PPM1E: variants seen among roughly 807,000 people sequenced by gnomAD.
PPM1E encodes the protein protein phosphatase, Mg2+/Mn2+ dependent 1E, also known as protein phosphatase 1E.
Under a neutral mutation model 65.9 loss-of-function variants are expected in PPM1E, and 20 were observed. That is an observed-to-expected ratio of 0.30 (90% CI 0.21 to 0.44). The LOEUF is 0.44. Ranked by LOEUF, PPM1E falls within the 20% of genes least tolerant of loss-of-function variation. PPM1E has a pLI of 1.00. For synonymous variants in PPM1E, 352 were observed against 374.9 expected (o/e 0.94, Z 0.70); for missense variants, 713 against 953.1 (o/e 0.75, Z 3.32).
chr17:58,845,661 C>T (rs1370075072), intron 1 of PPM1E, among the ~76,000 whole-genome samples: 1 of 152,044 alleles, frequency 6.6e-6, no homozygotes, highest in East Asian at 1.9e-4. Context: ...CATATTGCAG[C>T]ATATATTAGA....
At chr17:58,781,623 C>G (rs2144209442) in intron 1 of PPM1E, among the ~76,000 whole-genome samples, 1 of 151,872 alleles carries the variant, frequency 6.6e-6, no homozygotes, top group East Asian at 1.9e-4. Context: ...TTTTTGGGGC[C>G]AGGCACGGTG....
chr17:58,906,453 C>T (rs1041993870), intron 1 of PPM1E, among the ~76,000 whole-genome samples: 1 of 152,184 alleles, frequency 6.6e-6, no homozygotes, highest in Non-Finnish European at 1.5e-5. Context: ...ATCCTCCCAC[C>T]TCAACCTCCC....
rs941446372 is a variant in PPM1E, at chr17:58,982,276, T to G, written c.*1245T>G. 1 of 152,442 alleles carries G rather than the reference T, an allele frequency of 6.6e-6. No individual in the cohort carries two copies. Among genetic ancestry groups the G allele is most frequent in the Admixed American group, 6.5e-5 (1 of 15,282 alleles). The allele number at this position is 152,442 out of a possible 1,614,324, so 9.4% of individuals were successfully genotyped here. ...TTTGAAACTGTCTGCTTTTTGCTAT[T>G]TCTGCAGTTTCAAGTTAGTTAGAAG... On this transcript the variant is annotated 3_prime_UTR_variant, in exon 7 of 7. Coordinates refer to ENST00000308249, the MANE Select transcript of PPM1E (RefSeq NM_014906.5).
intron 1 of PPM1E, among the ~76,000 whole-genome samples, chr17:58,764,731 C>G (rs1027057682): frequency 2.0e-5 from 3 of 152,028 alleles, no homozygotes; most frequent in Non-Finnish European, 4.4e-5. Flanking sequence ...GTAGCTGGGA[C>G]TACAAGCACA....
At chr17:58,897,548 G>C (rs181461126) in intron 1 of PPM1E, among the ~76,000 whole-genome samples, 12 of 152,282 alleles carry the variant, frequency 7.9e-5, no homozygotes, top group Admixed American at 3.3e-4. Flanking sequence ...CCATTCTGCA[G>C]ACCATGGATC....
chr17:58,856,343 G>T (rs555744850), intron 1 of PPM1E, among the ~76,000 whole-genome samples: 3 of 152,054 alleles, frequency 2.0e-5, no homozygotes, highest in Non-Finnish European at 4.4e-5. Context: ...GGATTCAAGC[G>T]ATCTCCTGCC....
At position 58,867,965 on chromosome 17, in the gene PPM1E, G is replaced by T. The variant is rs972310198; in HGVS notation, c.465-87684G>T. Among the ~76,000 whole-genome samples, 7 of 152,114 alleles carry T rather than the reference G, an allele frequency of 4.6e-5. No homozygotes were observed. In the East Asian group the frequency reaches 1.3e-3, roughly 29 times the overall value. On this transcript the variant is annotated intron_variant, in intron 1 of 6. Coordinates refer to ENST00000308249, the MANE Select transcript of PPM1E (RefSeq NM_014906.5). ...ACACCCACCATCTGTAATGGTTTTT[G>T]ACTCCAAGGAATAAGACTCTGTAAG... is the stretch of plus-strand genomic sequence containing the variant.
At chr17:58,792,928 A>G (rs2050170650) in intron 1 of PPM1E, among the ~76,000 whole-genome samples, 1 of 149,878 alleles carries the variant, frequency 6.7e-6, no homozygotes, top group Non-Finnish European at 1.5e-5. Flanking sequence ...TAATTTTTGT[A>G]TTTTTAGTAG....
At chr17:58,926,879 T>A (rs921250214) in intron 1 of PPM1E, among the ~76,000 whole-genome samples, 5 of 152,128 alleles carry the variant, frequency 3.3e-5, no homozygotes, top group African/African-American at 1.2e-4. Flanking sequence ...TATGTAAATG[T>A]TATATAACTC....
chr17:58,964,730 T>G (rs764826353), intron 2 of PPM1E, among the ~76,000 whole-genome samples: 33 of 152,120 alleles, frequency 2.2e-4, no homozygotes, highest in Non-Finnish European at 4.6e-4. Context: ...CCTAAAACTT[T>G]AATAAACAAA....
chr17:58,773,377 T>C (rs2049959499), intron 1 of PPM1E, among the ~76,000 whole-genome samples: 1 of 152,104 alleles, frequency 6.6e-6, no homozygotes. Flanking sequence ...TATCATTCAG[T>C]GAGATAATTT....
intron 1 of PPM1E, among the ~76,000 whole-genome samples, chr17:58,934,272 A>T (rs1400147934): frequency 6.6e-6 from 1 of 152,094 alleles, no homozygotes; most frequent in Non-Finnish European, 1.5e-5. Context: ...AAATAATTTA[A>T]CCAATAAGGG....
chr17:58,962,369 C>T (rs1405538045), intron 2 of PPM1E, among the ~76,000 whole-genome samples: 1 of 151,554 alleles, frequency 6.6e-6, no homozygotes, highest in Non-Finnish European at 1.5e-5. Context: ...GAGTAATATA[C>T]AAGCCAAAGA....
intron 1 of PPM1E, among the ~76,000 whole-genome samples, chr17:58,847,406 C>T (rs2050782666): frequency 6.6e-6 from 1 of 152,144 alleles, no homozygotes; most frequent in Non-Finnish European, 1.5e-5. Context: ...GATTTTAGGT[C>T]TAACATTTAA....
intron 6 of PPM1E, among the ~76,000 whole-genome samples, chr17:58,975,274 A>G (rs1332062309): frequency 1.3e-5 from 2 of 152,232 alleles, no homozygotes; most frequent in Non-Finnish European, 2.9e-5. Flanking sequence ...TACTTGTTAC[A>G]GAACTAACTT....
intron 6 of PPM1E, among the ~76,000 whole-genome samples, chr17:58,973,710 T>C (rs1449292294): frequency 1.3e-5 from 2 of 151,890 alleles, no homozygotes; most frequent in African/African-American, 4.8e-5. Flanking sequence ...CCCAGCACTT[T>C]GGGAGGCTGA....
At chr17:58,895,855 C>T (rs570777752) in intron 1 of PPM1E, among the ~76,000 whole-genome samples, 28 of 149,690 alleles carry the variant, frequency 1.9e-4, no homozygotes, top group Admixed American at 1.1e-3. Context: ...CCTGTAATCC[C>T]AGCACTTTGG....
At position 58,786,555 on chromosome 17, in the gene PPM1E, G is replaced by A. The variant is rs1398827238; in HGVS notation, c.464+30094G>A. On this transcript the variant is annotated intron_variant, in intron 1 of 6. Coordinates refer to ENST00000308249, the MANE Select transcript of PPM1E (RefSeq NM_014906.5). ...AAGGGATGATTCATGTCCCAGGCAG[G>A]ACGGAGTGGGATGATGCAAGATTTC... is the stretch of plus-strand genomic sequence containing the variant. Among the ~76,000 whole-genome samples the A allele has an allele frequency of 2.0e-5, 3 of 152,222 alleles. No individual in the cohort carries two copies. The East Asian group carries it at 5.8e-4, about 29-fold the overall frequency.
At chr17:58,876,054 A>T (rs549615003) in intron 1 of PPM1E, among the ~76,000 whole-genome samples, 52 of 152,314 alleles carry the variant, frequency 3.4e-4, no homozygotes, top group Middle Eastern at 3.4e-3. Context: ...CATGATGAGT[A>T]CTATGGTTTG....
Sources: gnomAD v4.1 joint callset for allele counts (sites outside exome capture counted in the v4.1 genomes callset) on GRCh38, gnomAD v4.1.1 for gene constraint, MANE v1.5 for transcripts, NCBI Gene and HGNC (gene_info 2026-07-23, HGNC 2026-07-21) for gene names.